The following ZNF177 variants were observed in gnomAD, a reference collection of about 807,000 sequenced individuals.
ZNF177 encodes zinc finger protein 177.
A neutral mutation model predicts 19.4 loss-of-function variants in ZNF177; 17 were observed. The observed-to-expected ratio is 0.87, with a 90% CI of 0.60 to 1.31. ZNF177 has a LOEUF of 1.31. Among genes scored for constraint, ZNF177 ranks in the 40% most tolerant of loss-of-function variants. The pLI is 0.00. For synonymous variants in ZNF177, 220 were observed against 188.7 expected (o/e 1.17, Z -1.36); for missense variants, 633 against 561.8 (o/e 1.13, Z -1.28).
chr19:9,380,565 T>C, intron 5 of ZNF177, 103 bp from the exon 8 acceptor site: 2 of 1,532,326 alleles, frequency 1.3e-6, no homozygotes, highest in Non-Finnish European at 1.7e-6. Flanking sequence ...TCAGTCATGA[T>C]CATGTGCTTC....
intron 1 of ZNF177, among the ~76,000 whole-genome samples, chr19:9,377,480 C>G (rs1470804635): frequency 1.3e-5 from 2 of 152,162 alleles, no homozygotes; most frequent in African/African-American, 2.4e-5. Context: ...GTTATTGCCC[C>G]TGAATACCTT....
intron 2 of ZNF177, among the ~76,000 whole-genome samples, chr19:9,367,048 T>C (rs1599383044): frequency 6.6e-6 from 1 of 152,190 alleles, no homozygotes; most frequent in East Asian, 1.9e-4. Flanking sequence ...AGGCTGGGCG[T>C]GGTGGCTCAC....
chr19:9,374,825 C>T (rs565660787), upstream of ZNF177, among the ~76,000 whole-genome samples: 24 of 152,138 alleles, frequency 1.6e-4, no homozygotes, highest in Middle Eastern at 3.4e-3. Flanking sequence ...TCTTTTCCAA[C>T]GTAGACGCCT....
intron 4 of ZNF177, 158 bp downstream of exon 6, chr19:9,379,777 G>A: frequency 1.0e-6 from 1 of 959,580 alleles, no homozygotes; most frequent in Non-Finnish European, 1.5e-6. Context: ...TGGTCTCCGA[G>A]AAAGAAGTTT....
chr19:9,373,015 T>C (rs1475306364), upstream of ZNF177, among the ~76,000 whole-genome samples: 1 of 152,214 alleles, frequency 6.6e-6, no homozygotes, highest in Non-Finnish European at 1.5e-5. Flanking sequence ...TCACTTACTT[T>C]TGTAAGATGC....
intron 2 of ZNF177, among the ~76,000 whole-genome samples, chr19:9,367,906 G>C (rs1010138020): frequency 9.2e-5 from 14 of 152,136 alleles, no homozygotes; most frequent in African/African-American, 3.1e-4. Flanking sequence ...CTTGCCTATA[G>C]AGTGGATAAG....
chr19:9,378,826 G>T, intron 2 of ZNF177, 136 bp from the exon 5 acceptor site: 3 of 1,325,870 alleles, frequency 2.3e-6, no homozygotes, highest in South Asian at 4.1e-5. Context: ...CAAATTAAGA[G>T]AAGGCCTCTG....
rs771296342 is a variant in ZNF177, at chr19:9,380,978, A to G, written c.647A>G (p.His216Arg). The G allele has an allele frequency of 1.0e-5, 16 of 1,548,856 alleles. No individual in the cohort carries two copies. In the Middle Eastern group the frequency reaches 5.0e-4, roughly 48 times the overall value. The stretch of plus-strand genomic sequence containing the variant: ...CAATGTGATATGTCCTTCAGCCTAC[A>G]CTCTTCCTGCTCAGTACGTGAGCAA... Residue 216 changes from histidine to arginine, a missense_variant, in exon 6 of 6, where the codon CAC (histidine) becomes CGC (arginine). Coordinates refer to ENST00000589262, the Ensembl canonical transcript of ZNF177.
exon 6 of ZNF177, chr19:9,381,298 C>G: frequency 6.2e-7 from 1 of 1,611,874 alleles, no homozygotes; most frequent in Middle Eastern, 1.7e-4. Flanking sequence ...ATCCTTTAGC[C>G]AGAGCTCTCA....
intron 1 of ZNF177, among the ~76,000 whole-genome samples, chr19:9,364,619 T>C (rs1034503360): frequency 6.6e-6 from 1 of 152,082 alleles, no homozygotes; most frequent in Non-Finnish European, 1.5e-5. Context: ...CACATGTAGG[T>C]AGAGGATCCA....
chr19:9,377,941 T>C (rs556904342), intron 1 of ZNF177, among the ~76,000 whole-genome samples: 1 of 152,296 alleles, frequency 6.6e-6, no homozygotes, highest in South Asian at 2.1e-4. Context: ...ACTCAGCTAT[T>C]TCTCCAGTGA....
intron 5 of ZNF177, 127 bp downstream of exon 7, chr19:9,380,266 C>G (rs767794453): frequency 5.0e-6 from 6 of 1,193,920 alleles, no homozygotes; most frequent in South Asian, 1.8e-5. Flanking sequence ...AAAGCTGTCT[C>G]GGGAGAGTTT....
exon 6 of ZNF177, chr19:9,380,889 T>G: frequency 6.5e-7 from 1 of 1,536,078 alleles, no homozygotes; most frequent in Non-Finnish European, 8.7e-7. Context: ...AAGCTTTCAA[T>G]CAAGAGTCAT....
At chr19:9,374,410 T>C (rs2068084310), upstream of ZNF177, among the ~76,000 whole-genome samples, 1 of 152,214 alleles carries the variant, frequency 6.6e-6, no homozygotes, top group African/African-American at 2.4e-5. Context: ...GTTTTTTCTA[T>C]TTCTGTAAAA....
At chr19:9,380,877 A>G in exon 6 of ZNF177, 1 of 1,536,138 alleles carries the variant, frequency 6.5e-7, no homozygotes, top group Non-Finnish European at 8.7e-7. Context: ...CTGATTGTAG[A>G]AAAGCTTTCA....
At position 9,380,119 on chromosome 19, in the gene ZNF177, A is replaced by G. The variant is rs766644534; in HGVS notation, c.316A>G (p.Thr106Ala). Residue 106 changes from threonine (T) to alanine (A), a missense_variant, in exon 5 of 6, where the codon ACA (threonine) becomes GCA (alanine). Thr to Ala is a moderately conservative substitution (Grantham distance 58, BLOSUM62 0). Coordinates refer to ENST00000589262, the Ensembl canonical transcript of ZNF177. Reference sequence around the variant, plus strand: ...TATGCAGAACATTCCTGGGGGAAAAACATCCAATGGCATAAACACGGTAAG... The same window carrying G: ...TATGCAGAACATTCCTGGGGGAAAAGCATCCAATGGCATAAACACGGTAAG... 9.9e-6 allele frequency: 16 copies of G among 1,611,272 alleles called. No individual in the cohort carries two copies. The South Asian group carries it at 1.6e-4, about 16-fold the overall frequency.
chr19:9,380,768 A>G (rs1250951549), exon 6 of ZNF177: 3 of 1,536,116 alleles, frequency 2.0e-6, no homozygotes, highest in Non-Finnish European at 2.6e-6. Flanking sequence ...AAGGGAGAGA[A>G]ATGCTATAAA....
intron 2 of ZNF177, among the ~76,000 whole-genome samples, chr19:9,366,949 T>C (rs2067987908): frequency 6.6e-6 from 1 of 152,262 alleles, no homozygotes; most frequent in Non-Finnish European, 1.5e-5. Context: ...TTCAGCATCT[T>C]TTCATGTGCA....
At chr19:9,370,275 A>G (rs1029634760) in intron 2 of ZNF177, among the ~76,000 whole-genome samples, 4 of 152,076 alleles carry the variant, frequency 2.6e-5, no homozygotes, top group Non-Finnish European at 5.9e-5. Flanking sequence ...CCTTATATAA[A>G]ATAGCATTGT....
Sources: gnomAD v4.1 joint callset for allele counts (sites outside exome capture counted in the v4.1 genomes callset) on GRCh38, gnomAD v4.1.1 for gene constraint, MANE v1.5 for transcripts, NCBI Gene and HGNC (gene_info 2026-07-23, HGNC 2026-07-21) for gene names.